LHCGR: variants seen among roughly 807,000 people sequenced by gnomAD.
LHCGR encodes the protein lutropin-choriogonadotropic hormone receptor.
LHCGR carries 55 observed loss-of-function variants against 60.7 expected under a neutral mutation model. That is an observed-to-expected ratio of 0.91 (90% CI 0.73 to 1.13). LHCGR has a LOEUF of 1.13. Ranked by LOEUF, LHCGR falls within the 50% of genes most tolerant of loss-of-function variation. The probability of loss-of-function intolerance (pLI) is 0.00; values close to 1 mark genes in which losing one functional copy is unlikely to be tolerated. For synonymous variants in LHCGR, 337 were observed against 316.5 expected (o/e 1.06, Z -0.69); for missense variants, 862 against 836.0 (o/e 1.03, Z -0.38).
At chr2:48,702,311 C>T (rs529149176) in intron 8 of LHCGR, among the ~76,000 whole-genome samples, 3 of 150,794 alleles carry the variant, frequency 2.0e-5, no homozygotes, top group Non-Finnish European at 2.9e-5. Context: ...ATGTGCAAAA[C>T]GTGCAGGTTT....
intron 10 of LHCGR, among the ~76,000 whole-genome samples, chr2:48,692,199 T>C (rs921087387): frequency 6.6e-5 from 10 of 152,248 alleles, no homozygotes; most frequent in Non-Finnish European, 8.8e-5. Flanking sequence ...TACAAAATAA[T>C]AGCCTTTGTT....
intron 8 of LHCGR, among the ~76,000 whole-genome samples, chr2:48,705,271 C>G (rs1667608109): frequency 6.6e-6 from 1 of 152,178 alleles, no homozygotes; most frequent in African/African-American, 2.4e-5. Flanking sequence ...GTTGTGATTT[C>G]TGTTCTTTTA....
chr2:48,705,613 C>G (rs1322090387), intron 8 of LHCGR, among the ~76,000 whole-genome samples: 1 of 152,126 alleles, frequency 6.6e-6, no homozygotes, highest in African/African-American at 2.4e-5. Context: ...GTTAGCTCTT[C>G]TTATTGAATT....
intron 1 of LHCGR, among the ~76,000 whole-genome samples, chr2:48,740,318 C>G (rs1028123435): frequency 3.0e-4 from 46 of 152,346 alleles, no homozygotes; most frequent in Non-Finnish European, 5.4e-4. Context: ...AGCCAGGAAG[C>G]TCGAACTGGG....
chr2:48,725,351 G>A (rs112819466), intron 4 of LHCGR, among the ~76,000 whole-genome samples: 2 of 152,252 alleles, frequency 1.3e-5, no homozygotes, highest in African/African-American at 4.8e-5. Flanking sequence ...TCACTTCAGA[G>A]ATTCTGATTT....
rs1670170905 is a variant in LHCGR at position 48,755,563 on chromosome 2, C to T, written c.109G>A (p.Val37Met). The T allele has an allele frequency of 1.3e-6, 2 of 1,540,620 alleles. No homozygotes were observed. Among genetic ancestry groups the T allele is most frequent in the Non-Finnish European group, 1.7e-6 (2 of 1,145,100 alleles). ...EALCPEPCNC[V>M]PDGALRCPGP... ...GGGCAGCGCAGGGCGCCGTCGGGCA[C>T]GCAGTTGCAGGGCTCAGGGCAGAGC... is the stretch of plus-strand genomic sequence containing the variant. The change falls in exon 1 of 11, where the codon GTG becomes ATG. Residue 37 changes from valine (V) to methionine (M), a missense_variant. Transcript: ENST00000294954.
At chr2:48,744,779 G>T (rs1373623825) in intron 1 of LHCGR, among the ~76,000 whole-genome samples, 4 of 151,058 alleles carry the variant, frequency 2.6e-5, no homozygotes, top group Non-Finnish European at 4.4e-5. Context: ...CAGGACATAG[G>T]CATGGGCAAG....
intron 1 of LHCGR, among the ~76,000 whole-genome samples, chr2:48,733,363 G>C (rs1163166571): frequency 6.6e-6 from 1 of 152,162 alleles, no homozygotes; most frequent in Non-Finnish European, 1.5e-5. Context: ...GATCAGGGAG[G>C]TTGCCTGAGC....
At chr2:48,703,551 C>G (rs143546181) in intron 8 of LHCGR, among the ~76,000 whole-genome samples, 2,369 of 152,056 alleles carry the variant, frequency 0.016, 57 homozygotes, top group African/African-American at 0.046. Flanking sequence ...TTTGTGTCCT[C>G]TTTTATTTTG....
In LHCGR at chr2:48,688,048, T is replaced by C; in HGVS notation, c.1749A>G (p.Ala583=). ...CTGAGATGGCAAAAAAAGAGATAGG[T>C]GCCATGCAGGTGAAATCGGTGAAGA... ...ILIFTDFTCM[A]PISFFAISAA... Residue 583 remains alanine, a synonymous_variant, in exon 11 of 11, where the codon GCA becomes GCG. Coordinates refer to ENST00000294954, the MANE Select transcript of LHCGR (RefSeq NM_000233.4). This position sits in a 1 kb window ranked among gnomAD's most constrained non-coding sequence, Gnocchi z 5.2. 1 of 1,614,066 alleles carries C rather than the reference T, an allele frequency of 6.2e-7. No homozygotes were observed.
intron 1 of LHCGR, among the ~76,000 whole-genome samples, chr2:48,743,073 A>C (rs1379893252): frequency 1.3e-5 from 2 of 152,262 alleles, no homozygotes; most frequent in Non-Finnish European, 2.9e-5. Flanking sequence ...ACCTCTATGC[A>C]AATAAACTAG....
intron 7 of LHCGR, among the ~76,000 whole-genome samples, chr2:48,713,646 A>G (rs1045527527): frequency 2.0e-5 from 3 of 152,162 alleles, no homozygotes; most frequent in African/African-American, 7.2e-5. Flanking sequence ...GGGCCAGGAG[A>G]AGAATTTCTT....
chr2:48,749,029 C>T (rs1669833601), intron 1 of LHCGR, among the ~76,000 whole-genome samples: 2 of 152,216 alleles, frequency 1.3e-5, no homozygotes, highest in Non-Finnish European at 1.5e-5. Context: ...CAATTAGGAA[C>T]CCAGGAGTAG....
intron 2 of LHCGR, 151 bp downstream of exon 2, chr2:48,731,076 T>C (rs1408065601): frequency 1.7e-6 from 1 of 601,722 alleles, no homozygotes; most frequent in Non-Finnish European, 2.9e-6. Context: ...AGGTCTCTAG[T>C]TATTATTTGT....
intron 1 of LHCGR, among the ~76,000 whole-genome samples, chr2:48,739,210 G>T (rs898031862): frequency 1.5e-4 from 23 of 152,202 alleles, no homozygotes; most frequent in African/African-American, 5.5e-4. Flanking sequence ...TTACACTGTT[G>T]GTGGGACTGT....
At chr2:48,711,413 A>T (rs376618429) in intron 7 of LHCGR, among the ~76,000 whole-genome samples, 1 of 152,186 alleles carries the variant, frequency 6.6e-6, no homozygotes, top group Non-Finnish European at 1.5e-5. Flanking sequence ...TTAGTATATC[A>T]GTGGTGCTTA....
intron 3 of LHCGR, among the ~76,000 whole-genome samples, chr2:48,728,627 G>T (rs1201892584): frequency 6.6e-6 from 1 of 152,032 alleles, no homozygotes; most frequent in Non-Finnish European, 1.5e-5. Flanking sequence ...GTGATTTTTT[G>T]GGGAAATGAT....
In LHCGR at chr2:48,688,853, T is replaced by C. The variant is rs1419383973; in HGVS notation, c.948-4A>G. 6.2e-7 allele frequency: 1 copy of C among 1,613,474 alleles called. No homozygotes were observed. Among genetic ancestry groups the C allele is most frequent in the African/African-American group, 1.3e-5 (1 of 74,886 alleles). ...CTCAGCAAGCATGGAAGAATAACTG[T>C]AAGAAGAATTATTGGCTTGAGGTAA... On this transcript the variant is annotated splice_region_variant and splice_polypyrimidine_tract_variant and intron_variant, in intron 10 of 10. Coordinates refer to ENST00000294954, the MANE Select transcript of LHCGR (RefSeq NM_000233.4). The surrounding 1 kb of genome is among the most constrained non-coding windows in gnomAD (Gnocchi z 5.2).
At chr2:48,700,488 A>G (rs1490696080) in intron 8 of LHCGR, among the ~76,000 whole-genome samples, 2 of 152,138 alleles carry the variant, frequency 1.3e-5, no homozygotes, top group African/African-American at 4.8e-5. Flanking sequence ...TAGTGCCCAC[A>G]GTCACTTCTA....
Sources: allele counts gnomAD v4.1 joint callset (sites outside exome capture counted in the v4.1 genomes callset), GRCh38; gene constraint gnomAD v4.1.1; non-coding constraint Gnocchi (gnomAD v3.1); transcripts MANE v1.5; gene names NCBI Gene and HGNC (gene_info 2026-07-23, HGNC 2026-07-21).